SPIN1: variants seen among roughly 807,000 people sequenced by gnomAD.
The protein encoded by SPIN1 is spindlin 1, also known as spindlin-1.
In SPIN1, 3 loss-of-function variants were observed where a neutral mutation model predicts 26.0. That is an observed-to-expected ratio of 0.12 (90% CI 0.05 to 0.30). The LOEUF is 0.30. Ranked by LOEUF, SPIN1 falls within the 10% of genes least tolerant of loss-of-function variation. The pLI, the probability that SPIN1 is intolerant of heterozygous loss-of-function variation, is 1.00. For synonymous variants in SPIN1, 101 were observed against 116.5 expected (o/e 0.87, Z 0.86); for missense variants, 126 against 333.4 (o/e 0.38, Z 4.84).
intron 1 of SPIN1, among the ~76,000 whole-genome samples, chr9:88,413,819 A>G (rs532480774): frequency 6.6e-6 from 1 of 152,186 alleles, no homozygotes; most frequent in Non-Finnish European, 1.5e-5. Context: ...TGGATGTATG[A>G]TTTCGATACA....
intron 1 of SPIN1, among the ~76,000 whole-genome samples, chr9:88,398,449 G>A (rs1481759259): frequency 6.6e-6 from 1 of 152,044 alleles, no homozygotes; most frequent in African/African-American, 2.4e-5. Context: ...TGAATTGTGA[G>A]GGCTCAAGCT....
At chr9:88,428,821 ATG>A (rs1827809957) in intron 2 of SPIN1, among the ~76,000 whole-genome samples, 1 of 152,122 alleles carries the variant, frequency 6.6e-6, no homozygotes, top group African/African-American at 2.4e-5. Context: ...TTATTTTTTA[ATG>A]TTGTGTAAGA....
chr9:88,474,503 G>A (rs1002458532), intron 5 of SPIN1, among the ~76,000 whole-genome samples: 1 of 152,120 alleles, frequency 6.6e-6, no homozygotes, highest in Admixed American at 6.5e-5. Flanking sequence ...TTGGAACTGA[G>A]TTAGGAAGAT....
intron 3 of SPIN1, among the ~76,000 whole-genome samples, chr9:88,460,622 C>T (rs774543177): frequency 2.0e-4 from 31 of 152,222 alleles, no homozygotes; most frequent in Non-Finnish European, 4.3e-4. Context: ...ACCAGGGGAC[C>T]CAGTGGTGTC....
At chr9:88,467,347 G>C (rs959889861) in intron 4 of SPIN1, among the ~76,000 whole-genome samples, 1 of 152,096 alleles carries the variant, frequency 6.6e-6, no homozygotes, top group African/African-American at 2.4e-5. Flanking sequence ...TGCTTTCATG[G>C]GGATGTACAA....
chr9:88,409,611 G>T (rs1160974420), intron 1 of SPIN1, among the ~76,000 whole-genome samples: 1 of 151,682 alleles, frequency 6.6e-6, no homozygotes, highest in Non-Finnish European at 1.5e-5. Flanking sequence ...CGAGGCGGGC[G>T]GATCACGAGG....
chr9:88,425,446 G>A (rs1201583956), intron 1 of SPIN1, among the ~76,000 whole-genome samples: 6 of 152,154 alleles, frequency 3.9e-5, no homozygotes, highest in East Asian at 3.9e-4. Context: ...TTGGGAGGCC[G>A]AGGCAGGTGG....
chr9:88,465,703 G>A lies in SPIN1; in HGVS notation c.356-2669G>A, dbSNP rs576922651. 2.0e-4 allele frequency among the ~76,000 whole-genome samples: 30 copies of A among 152,152 alleles called. 1 individual carries two copies. Among genetic ancestry groups the A allele is most frequent in the Non-Finnish European group, 3.5e-4 (24 of 68,024 alleles). On this transcript the variant is annotated intron_variant, in intron 4 of 5. Coordinates refer to ENST00000375859, the MANE Select transcript of SPIN1 (RefSeq NM_006717.3). Reference sequence around the variant, plus strand: ...ATGTTCTGGAGACATGAGTTTTAATGTAACAGTATGACAGATTTATTAATG... The same window carrying A: ...ATGTTCTGGAGACATGAGTTTTAATATAACAGTATGACAGATTTATTAATG...
chr9:88,395,429 TCTC>T (rs1450138950), intron 1 of SPIN1, among the ~76,000 whole-genome samples: 9 of 152,064 alleles, frequency 5.9e-5, no homozygotes, highest in Non-Finnish European at 1.0e-4. Flanking sequence ...TTGCAACTCA[TCTC>T]CTAATGATGA....
At chr9:88,402,346 A>G (rs896236109) in intron 1 of SPIN1, among the ~76,000 whole-genome samples, 12 of 152,110 alleles carry the variant, frequency 7.9e-5, no homozygotes, top group African/African-American at 7.2e-5. Flanking sequence ...TCTTTTAGCT[A>G]CTTTGAGATA....
At chr9:88,451,113 A>AT (rs34561734) in intron 3 of SPIN1, among the ~76,000 whole-genome samples, 4 of 99,342 alleles carry the variant, frequency 4.0e-5, no homozygotes, top group African/African-American at 2.4e-4. Flanking sequence ...AACCAAATAT[A>AT]AAAAAAAAAC....
At chr9:88,450,919 A>C (rs181112903) in intron 3 of SPIN1, among the ~76,000 whole-genome samples, 9 of 152,210 alleles carry the variant, frequency 5.9e-5, no homozygotes, top group Admixed American at 4.6e-4. Context: ...GTGGGGACGC[A>C]GGCTCTCCCA....
At chr9:88,391,145 A>T (rs1000836125) in intron 1 of SPIN1, among the ~76,000 whole-genome samples, 1 of 152,186 alleles carries the variant, frequency 6.6e-6, no homozygotes, top group African/African-American at 2.4e-5. Context: ...CACATCAGGG[A>T]GGAGAGCTGA....
At chr9:88,444,679 A>G (rs1160054762) in intron 2 of SPIN1, among the ~76,000 whole-genome samples, 3 of 140,172 alleles carry the variant, frequency 2.1e-5, no homozygotes, top group African/African-American at 5.3e-5. Flanking sequence ...TGAATGGTTT[A>G]CCTTTTCTTT....
chr9:88,389,099 G>A (rs1474088679), intron 1 of SPIN1, among the ~76,000 whole-genome samples: 2 of 152,110 alleles, frequency 1.3e-5, no homozygotes, highest in African/African-American at 2.4e-5. Flanking sequence ...AGGCCCGGGG[G>A]ATGGCCGCGG....
At chr9:88,410,007 C>T (rs886462764) in intron 1 of SPIN1, among the ~76,000 whole-genome samples, 1 of 152,126 alleles carries the variant, frequency 6.6e-6, no homozygotes, top group Admixed American at 6.6e-5. Flanking sequence ...TTCTCCTAAT[C>T]TTACCAAGCT....
At chr9:88,395,298 A>G (rs564684231) in intron 1 of SPIN1, among the ~76,000 whole-genome samples, 1 of 151,814 alleles carries the variant, frequency 6.6e-6, no homozygotes, top group Non-Finnish European at 1.5e-5. Flanking sequence ...GCATATGTGT[A>G]TATTTTTGTT....
At chr9:88,414,357 G>A (rs916660032) in intron 1 of SPIN1, among the ~76,000 whole-genome samples, 1 of 152,154 alleles carries the variant, frequency 6.6e-6, no homozygotes, top group African/African-American at 2.4e-5. Flanking sequence ...CACATCCTGA[G>A]ATCTTGTTAA....
At chr9:88,455,720 C>T (rs967202593) in intron 3 of SPIN1, among the ~76,000 whole-genome samples, 2 of 152,118 alleles carry the variant, frequency 1.3e-5, no homozygotes, top group Non-Finnish European at 2.9e-5. Context: ...GTTCATACTT[C>T]TAATCCCAGC....
Sources: allele counts gnomAD v4.1 joint callset (sites outside exome capture counted in the v4.1 genomes callset), GRCh38; gene constraint gnomAD v4.1.1; transcripts MANE v1.5; gene names NCBI Gene and HGNC (gene_info 2026-07-23, HGNC 2026-07-21).